The following CDKL5 variants were observed in gnomAD, a reference collection of about 807,000 sequenced individuals.
CDKL5 encodes the protein cyclin dependent kinase like 5, also known as cyclin-dependent kinase-like 5.
A neutral mutation model predicts 61.7 loss-of-function variants in CDKL5; 8 were observed. The ratio of observed to expected loss-of-function variants is 0.13; its 90% confidence interval spans 0.08 to 0.23. The LOEUF is 0.23. Among genes scored for constraint, CDKL5 ranks in the 10% least tolerant of loss-of-function variants. The pLI is 1.00. For synonymous variants in CDKL5, 275 were observed against 272.3 expected (o/e 1.01, Z -0.10); for missense variants, 440 against 734.5 (o/e 0.60, Z 4.63).
At chrX:18,509,197 G>GCGCGCA (rs1555940193) in intron 2 of CDKL5, among the ~76,000 whole-genome samples, 2 of 64,314 alleles carry the variant, frequency 3.1e-5, no homozygotes, top group African/African-American at 1.2e-4. Flanking sequence ...CTCAAAACAC[G>GCGCGCA]CACACACACA....
intron 16 of CDKL5, among the ~76,000 whole-genome samples, chrX:18,621,677 T>TA (rs1399126202): frequency 9.0e-6 from 1 of 111,574 alleles, no homozygotes. Context: ...AATACTTTAT[T>TA]ATCTTCAATC....
intron 1 of CDKL5, among the ~76,000 whole-genome samples, chrX:18,439,600 G>A (rs1264941137): frequency 9.0e-6 from 1 of 111,232 alleles, no homozygotes; most frequent in Non-Finnish European, 1.9e-5. Flanking sequence ...CACTTTGGGA[G>A]GCCAAGGCAG....
rs967400769 is a variant in CDKL5 at position 18,486,197 on chromosome X, A to G, written c.-162-20738A>G. ...TATTTTTGCACAAACTTTTCATAGAATGCCTTTACCCATTTTGTCTATCAG... is the reference window on the plus strand; with the variant it reads ...TATTTTTGCACAAACTTTTCATAGAGTGCCTTTACCCATTTTGTCTATCAG... On this transcript the variant is annotated intron_variant, in intron 1 of 17. Transcript: ENST00000623535. 2.7e-5 allele frequency among the ~76,000 whole-genome samples: 3 copies of G among 112,023 alleles called. No individual in the cohort carries two copies. The South Asian group carries it at 1.1e-3, about 41-fold the overall frequency.
intron 3 of CDKL5, among the ~76,000 whole-genome samples, chrX:18,543,081 G>A (rs1391978945): frequency 9.0e-6 from 1 of 110,857 alleles, no homozygotes; most frequent in African/African-American, 3.3e-5. Flanking sequence ...CTGCTTTCTC[G>A]GGATGTGTAT....
At chrX:18,504,953 A>T (rs765392250) in intron 1 of CDKL5, among the ~76,000 whole-genome samples, 54 of 109,918 alleles carry the variant, frequency 4.9e-4, no homozygotes, top group African/African-American at 1.8e-3. Flanking sequence ...AAAAAAAGAA[A>T]GTTTCAGATT....
intron 1 of CDKL5, among the ~76,000 whole-genome samples, chrX:18,504,321 G>T (rs1040854189): frequency 1.8e-5 from 2 of 110,834 alleles, no homozygotes; most frequent in African/African-American, 6.6e-5. Flanking sequence ...GCTCAGGCTG[G>T]TCTCTAATTC....
chrX:18,632,269 G>C lies in CDKL5; in HGVS notation c.*3512G>C. ...CCTATTGTTCGTTTCCATTGTCTTGGGCCTGCTAAAAGGTGCATACTTTGG... is the reference window on the plus strand; with the variant it reads ...CCTATTGTTCGTTTCCATTGTCTTGCGCCTGCTAAAAGGTGCATACTTTGG... On this transcript the variant is annotated 3_prime_UTR_variant, in exon 18 of 18. Transcript: ENST00000623535. 2.7e-6 allele frequency: 2 copies of C among 753,844 alleles called. No individual in the cohort carries two copies. Among genetic ancestry groups the C allele is most frequent in the Non-Finnish European group, 1.6e-6 (1 of 639,027 alleles). 62.1% of individuals were successfully genotyped at this position (753,844 alleles called of 1,213,427 possible).
At chrX:18,582,761 A>G (rs1183379288) in intron 7 of CDKL5, among the ~76,000 whole-genome samples, 3 of 111,724 alleles carry the variant, frequency 2.7e-5, no homozygotes, top group Non-Finnish European at 3.8e-5. Context: ...GATGAATTAC[A>G]CAAGCAAGAA....
intron 3 of CDKL5, among the ~76,000 whole-genome samples, chrX:18,533,122 A>T (rs1416423419): frequency 8.9e-6 from 1 of 111,897 alleles, no homozygotes; most frequent in Non-Finnish European, 1.9e-5. Context: ...ACTAAATAAA[A>T]TGTGTTTTAA....
At position 18,649,464 on chromosome X, in the gene CDKL5, C is replaced by T. The variant is rs150561457; in HGVS notation, c.2798-946C>T. 2.9e-3 allele frequency among the ~76,000 whole-genome samples: 328 copies of T among 111,779 alleles called. 1 individual carries two copies. Among genetic ancestry groups the T allele is most frequent in the Non-Finnish European group, 4.3e-3 (229 of 53,151 alleles). ...GTTGAATGAAACATGCTTGCAGAGACGGCCATGCCCTGTCCCCAGAGGCTA... is the reference window on the plus strand; with the variant it reads ...GTTGAATGAAACATGCTTGCAGAGATGGCCATGCCCTGTCCCCAGAGGCTA... On this transcript the variant is annotated intron_variant, in intron 20 of 21. Coordinates refer to the CDKL5 transcript ENST00000379989.
intron 17 of CDKL5, among the ~76,000 whole-genome samples, chrX:18,625,709 A>G (rs1927019275): frequency 8.9e-6 from 1 of 112,156 alleles, no homozygotes. Context: ...CCTGAAATCC[A>G]TACTGTTTTT....
intron 4 of CDKL5, among the ~76,000 whole-genome samples, chrX:18,565,730 A>C (rs764616113): frequency 2.2e-4 from 25 of 112,679 alleles, no homozygotes; most frequent in Non-Finnish European, 4.3e-4. Context: ...TGTGCTAGTT[A>C]TATGAAACAC....
chrX:18,653,177 T>A (rs1268917267), intron 21 of CDKL5, among the ~76,000 whole-genome samples: 1 of 112,495 alleles, frequency 8.9e-6, no homozygotes, highest in Non-Finnish European at 1.9e-5. Flanking sequence ...AAGGAACCAT[T>A]AGCAAACCAG....
intron 3 of CDKL5, among the ~76,000 whole-genome samples, chrX:18,544,008 C>G (rs1002970396): frequency 8.9e-6 from 1 of 111,818 alleles, no homozygotes; most frequent in Non-Finnish European, 1.9e-5. Flanking sequence ...CCAGGAGCTG[C>G]CATCCAGTGG....
chrX:18,458,341 T>C (rs1294645350), intron 1 of CDKL5, among the ~76,000 whole-genome samples: 1 of 112,133 alleles, frequency 8.9e-6, no homozygotes, highest in Non-Finnish European at 1.9e-5. Flanking sequence ...TGAACTATAG[T>C]ATATATTAAT....
intron 1 of CDKL5, among the ~76,000 whole-genome samples, chrX:18,501,227 A>G (rs190451366): frequency 2.3e-3 from 260 of 111,838 alleles, no homozygotes; most frequent in African/African-American, 7.6e-3. Context: ...AGGCTTAAGT[A>G]CAATGGCAAT....
At chrX:18,501,695 C>T (rs775170987) in intron 1 of CDKL5, among the ~76,000 whole-genome samples, 5 of 110,232 alleles carry the variant, frequency 4.5e-5, no homozygotes, top group East Asian at 5.7e-4. Context: ...ACTACAGGCG[C>T]GCACCACCAT....
intron 7 of CDKL5, 94 bp downstream of exon 7, chrX:18,582,044 TG>T (rs750773136): frequency 1.5e-6 from 1 of 673,988 alleles, no homozygotes; most frequent in Admixed American, 2.5e-5. Flanking sequence ...GTAATTGTTA[TG>T]TTTTGACTTA....
intron 12 of CDKL5, among the ~76,000 whole-genome samples, chrX:18,605,949 C>G (rs912609506): frequency 1.8e-5 from 2 of 111,791 alleles, no homozygotes; most frequent in African/African-American, 6.5e-5. Flanking sequence ...TTTGGGAGGC[C>G]GAGGCAGGCA....
Sources: allele counts gnomAD v4.1 joint callset (sites outside exome capture counted in the v4.1 genomes callset), GRCh38; gene constraint gnomAD v4.1.1; transcripts MANE v1.5; gene names NCBI Gene and HGNC (gene_info 2026-07-23, HGNC 2026-07-21).